Variants in PBX3 observed in about 807,000 individuals in gnomAD.
PBX3 encodes PBX homeobox 3.
A neutral mutation model predicts 48.5 loss-of-function variants in PBX3; 14 were observed. The observed-to-expected ratio is 0.29, with a 90% CI of 0.19 to 0.45. The LOEUF is 0.45. PBX3 is among the 20% of genes least tolerant of loss of function. The pLI, the probability that PBX3 is intolerant of heterozygous loss-of-function variation, is 1.00. For missense variants in PBX3, 386 were observed against 546.7 expected, an observed-to-expected ratio of 0.71 and a Z score of 2.93; for synonymous variants, 210 against 200.3, an observed-to-expected ratio of 1.05 and a Z score of -0.41.
rs1483401604 is a variant in PBX3 at position 125,793,589 on chromosome 9, G to A, written c.274+44966G>A. On this transcript the variant is annotated intron_variant, in intron 2 of 8. Coordinates refer to ENST00000373489, the MANE Select transcript of PBX3 (RefSeq NM_006195.6). ...GGATTACAGGTGCTGGCCACCACAC[G>A]CAGCTAATTTTCATACTTTTAGTAG... Among the ~76,000 whole-genome samples, 7 of 151,224 alleles carry A rather than the reference G, an allele frequency of 4.6e-5. No homozygotes were observed. In the East Asian group the frequency reaches 7.8e-4, roughly 17 times the overall value.
chr9:125,838,952 A>G (rs1423513376), intron 2 of PBX3, among the ~76,000 whole-genome samples: 9 of 152,190 alleles, frequency 5.9e-5, no homozygotes, highest in Non-Finnish European at 1.2e-4. Flanking sequence ...GGTAGAGGAA[A>G]AAGTGAAGGC....
At chr9:125,780,416 ACCCCCC>A (rs367962542) in intron 2 of PBX3, among the ~76,000 whole-genome samples, 2 of 57,206 alleles carry the variant, frequency 3.5e-5, no homozygotes, top group South Asian at 6.8e-4. Context: ...CGGGGGGCTG[ACCCCCC>A]CCCCACCTCC....
intron 2 of PBX3, among the ~76,000 whole-genome samples, chr9:125,781,214 C>T (rs1008219285): frequency 1.1e-4 from 16 of 151,034 alleles, no homozygotes; most frequent in South Asian, 6.3e-4. Context: ...CACCACTGCA[C>T]TCCAGCCTGG....
intron 2 of PBX3, among the ~76,000 whole-genome samples, chr9:125,807,566 C>T (rs562138522): frequency 6.6e-6 from 1 of 152,278 alleles, no homozygotes; most frequent in South Asian, 2.1e-4. Flanking sequence ...ACCCCTCTAA[C>T]TTGTCTAAAT....
intron 2 of PBX3, among the ~76,000 whole-genome samples, chr9:125,893,914 G>A (rs564003070): frequency 2.6e-5 from 4 of 151,944 alleles, no homozygotes; most frequent in African/African-American, 9.7e-5. Context: ...CATTCTAAGT[G>A]AGATACAAAC....
intron 5 of PBX3, among the ~76,000 whole-genome samples, chr9:125,946,912 A>G (rs1018547263): frequency 2.0e-5 from 3 of 152,208 alleles, no homozygotes; most frequent in Admixed American, 6.5e-5. Flanking sequence ...CACACTAAAC[A>G]TGGTTGAAAC....
At chr9:125,905,626 T>A (rs1841052564) in intron 2 of PBX3, among the ~76,000 whole-genome samples, 1 of 152,056 alleles carries the variant, frequency 6.6e-6, no homozygotes, top group Non-Finnish European at 1.5e-5. Flanking sequence ...TTTTTAGTTA[T>A]GCTTTTATTT....
At chr9:125,817,824 C>T (rs1233514165) in intron 2 of PBX3, among the ~76,000 whole-genome samples, 4 of 152,106 alleles carry the variant, frequency 2.6e-5, no homozygotes, top group Non-Finnish European at 5.9e-5. Flanking sequence ...TAAAAAATTG[C>T]GGTGGAATTC....
chr9:125,780,812 G>A (rs1419286609), intron 2 of PBX3, among the ~76,000 whole-genome samples: 19 of 148,332 alleles, frequency 1.3e-4, no homozygotes, highest in African/African-American at 4.0e-4. Context: ...GGCGGCTGCC[G>A]GGCGGAGACG....
intron 2 of PBX3, among the ~76,000 whole-genome samples, chr9:125,900,236 CTT>C (rs35208067): frequency 0.67 from 91,330 of 135,808 alleles, 31,001 homozygotes; most frequent in African/African-American, 0.75. Flanking sequence ...ACATCCCGCC[CTT>C]TTTTTTTTTT....
intron 3 of PBX3, among the ~76,000 whole-genome samples, chr9:125,920,887 T>G (rs1841442988): frequency 6.6e-6 from 1 of 152,218 alleles, no homozygotes; most frequent in Non-Finnish European, 1.5e-5. Flanking sequence ...AAATTTAAAC[T>G]ACTGTAAAAG....
At chr9:125,787,231 G>A (rs1212449635) in intron 2 of PBX3, among the ~76,000 whole-genome samples, 2 of 152,036 alleles carry the variant, frequency 1.3e-5, no homozygotes, top group Admixed American at 6.6e-5. Context: ...TGTAGAAATG[G>A]GGTCTCGCTG....
chr9:125,801,517 C>G (rs1837943797), intron 2 of PBX3, among the ~76,000 whole-genome samples: 1 of 152,040 alleles, frequency 6.6e-6, no homozygotes, highest in African/African-American at 2.4e-5. Context: ...TAAATTTTTC[C>G]ATTATTAACC....
chr9:125,829,270 T>G (rs143879858), intron 2 of PBX3, among the ~76,000 whole-genome samples: 1 of 152,340 alleles, frequency 6.6e-6, no homozygotes, highest in East Asian at 1.9e-4. Context: ...CTTGTCAGTC[T>G]TCCATTTCTA....
At chr9:125,921,789 G>C (rs1454981051) in intron 3 of PBX3, among the ~76,000 whole-genome samples, 1 of 152,124 alleles carries the variant, frequency 6.6e-6, no homozygotes, top group African/African-American at 2.4e-5. Flanking sequence ...TTGTGAGGCT[G>C]GCGAGACATT....
intron 2 of PBX3, among the ~76,000 whole-genome samples, chr9:125,894,577 A>G (rs1179009619): frequency 6.6e-6 from 1 of 152,152 alleles, no homozygotes; most frequent in Non-Finnish European, 1.5e-5. Flanking sequence ...AAGAATAAAT[A>G]AAAAGAGCAA....
At chr9:125,929,196 C>T (rs1361616562) in intron 3 of PBX3, among the ~76,000 whole-genome samples, 3 of 152,034 alleles carry the variant, frequency 2.0e-5, no homozygotes. Context: ...TTTTTCTCAC[C>T]AAAGGCCAGG....
chr9:125,822,842 C>T (rs893215178), intron 2 of PBX3, among the ~76,000 whole-genome samples: 1 of 151,698 alleles, frequency 6.6e-6, no homozygotes, highest in Admixed American at 6.6e-5. Flanking sequence ...ATTATGATAC[C>T]CTCAACCTTA....
intron 2 of PBX3, among the ~76,000 whole-genome samples, chr9:125,816,997 A>C (rs914199382): frequency 6.6e-6 from 1 of 152,164 alleles, no homozygotes; most frequent in Non-Finnish European, 1.5e-5. Flanking sequence ...GTATCTGTGC[A>C]TGCGTAGCTG....
Sources: allele counts gnomAD v4.1 joint callset (sites outside exome capture counted in the v4.1 genomes callset), GRCh38; gene constraint gnomAD v4.1.1; transcripts MANE v1.5; gene names NCBI Gene and HGNC (gene_info 2026-07-23, HGNC 2026-07-21).